RGS7: variants seen among roughly 807,000 people sequenced by gnomAD.
RGS7 encodes the protein regulator of G-protein signaling 7.
A neutral mutation model predicts 81.1 loss-of-function variants in RGS7; 27 were observed. The ratio of observed to expected loss-of-function variants is 0.33; its 90% CI spans 0.25 to 0.46. The LOEUF (loss-of-function observed/expected upper bound fraction) is 0.46, where lower values mean the gene tolerates loss of function less well. Ranked by LOEUF, RGS7 falls within the 20% of genes least tolerant of loss-of-function variation. RGS7 has a pLI of 1.00. For missense variants in RGS7, 396 were observed against 607.4 expected (o/e 0.65, Z 3.66); for synonymous variants, 208 against 207.7 (o/e 1.00, Z -0.01).
At position 240,800,666 on chromosome 1, in the gene RGS7, G is replaced by A. The variant is rs980366085; in HGVS notation, c.1469C>T (p.Ala490Val). The A allele has an allele frequency of 8.4e-6, 13 of 1,546,806 alleles. No homozygotes were observed. The highest frequency in any genetic ancestry group is 2.7e-5 in the African/African-American group (2 of 72,840). ...CTCTTTTCATAACAGGTTAGTGCTG[G>A]CCCTCAGTGTTGGTGTACAGTTTTT... is the stretch of plus-strand genomic sequence containing the variant. Reference protein sequence around the residue: ...CHKNCTPTLRASTNLL With the variant: ...CHKNCTPTLRVSTNLL Residue 490 changes from alanine to valine, a missense_variant, in exon 18 of 19, where the codon GCC (alanine) becomes GTC (valine). Transcript: ENST00000440928.
At chr1:240,848,485 C>T (rs1659501447) in intron 9 of RGS7, among the ~76,000 whole-genome samples, 1 of 151,658 alleles carries the variant, frequency 6.6e-6, no homozygotes, top group African/African-American at 2.4e-5. Context: ...AATAATAAGA[C>T]CAAAAAATAA....
chr1:241,228,142 G>A (rs1198139840), intron 2 of RGS7, among the ~76,000 whole-genome samples: 1 of 152,206 alleles, frequency 6.6e-6, no homozygotes, highest in Non-Finnish European at 1.5e-5. Flanking sequence ...TGACTAGCCT[G>A]ACGCTGCTAT....
intron 2 of RGS7, among the ~76,000 whole-genome samples, chr1:241,241,841 T>C (rs2076274064): frequency 6.6e-6 from 1 of 152,240 alleles, no homozygotes; most frequent in Admixed American, 6.5e-5. Context: ...GAATCTAACC[T>C]ATTTTGTTTT....
intron 2 of RGS7, among the ~76,000 whole-genome samples, chr1:241,311,650 A>G (rs543688916): frequency 6.6e-6 from 1 of 152,204 alleles, no homozygotes; most frequent in Non-Finnish European, 1.5e-5. Flanking sequence ...ATAGGGCTCA[A>G]TTCAGCTGGG....
intron 3 of RGS7, among the ~76,000 whole-genome samples, chr1:240,985,425 C>T (rs189291164): frequency 4.0e-4 from 61 of 150,688 alleles, no homozygotes; most frequent in African/African-American, 6.7e-4. Flanking sequence ...TGTTCTGTTA[C>T]GCTTTCTTTC....
At chr1:241,051,283 T>C (rs2061235776) in intron 3 of RGS7, among the ~76,000 whole-genome samples, 1 of 152,156 alleles carries the variant, frequency 6.6e-6, no homozygotes, top group Non-Finnish European at 1.5e-5. Flanking sequence ...ATTCACAGGT[T>C]CTGGAGATAA....
chr1:240,915,581 A>G (rs956571277), intron 6 of RGS7, among the ~76,000 whole-genome samples: 3 of 152,216 alleles, frequency 2.0e-5, no homozygotes, highest in African/African-American at 7.2e-5. Context: ...GCCTCTAGCT[A>G]CAGCAAACAG....
intron 2 of RGS7, among the ~76,000 whole-genome samples, chr1:241,214,619 A>T (rs1053427330): frequency 2.6e-5 from 4 of 152,042 alleles, no homozygotes; most frequent in African/African-American, 9.7e-5. Context: ...TCTCTTCATC[A>T]AGGACTACAG....
intron 2 of RGS7, among the ~76,000 whole-genome samples, chr1:241,120,886 G>A (rs1441122306): frequency 3.3e-5 from 5 of 152,158 alleles, no homozygotes; most frequent in African/African-American, 9.7e-5. Flanking sequence ...AGGTGCACGA[G>A]TGAGGTGCAT....
intron 14 of RGS7, among the ~76,000 whole-genome samples, chr1:240,807,643 C>T (rs778361384): frequency 2.0e-5 from 3 of 152,094 alleles, no homozygotes; most frequent in Non-Finnish European, 2.9e-5. Context: ...AGTTTGACAA[C>T]GCCTCAAACA....
At chr1:240,997,831 A>C (rs1687527755) in intron 3 of RGS7, among the ~76,000 whole-genome samples, 1 of 152,206 alleles carries the variant, frequency 6.6e-6, no homozygotes, top group African/African-American at 2.4e-5. Context: ...CTCAGGAAAA[A>C]ACAAAATTTT....
chr1:240,834,232 T>C (rs1694309543), intron 9 of RGS7, among the ~76,000 whole-genome samples: 1 of 152,220 alleles, frequency 6.6e-6, no homozygotes, highest in African/African-American at 2.4e-5. Context: ...GAAAGTTGTT[T>C]GAGGAAATTG....
chr1:241,147,789 T>TATAC, intron 2 of RGS7, among the ~76,000 whole-genome samples: 1 of 110,010 alleles, frequency 9.1e-6, no homozygotes, highest in East Asian at 2.6e-4. Context: ...TTTATATATA[T>TATAC]ATATATATAT....
intron 2 of RGS7, among the ~76,000 whole-genome samples, chr1:241,192,184 G>C (rs2072720677): frequency 6.7e-6 from 1 of 150,284 alleles, no homozygotes; most frequent in Non-Finnish European, 1.5e-5. Flanking sequence ...GTGTGTGTGT[G>C]TGTGTGTGTG....
intron 6 of RGS7, among the ~76,000 whole-genome samples, chr1:240,913,975 A>C (rs1199403667): frequency 6.6e-6 from 1 of 151,666 alleles, no homozygotes; most frequent in African/African-American, 2.4e-5. Context: ...GGTTAGTTAC[A>C]TATGTATACA....
intron 14 of RGS7, among the ~76,000 whole-genome samples, chr1:240,811,241 T>C (rs1406661600): frequency 1.3e-5 from 2 of 152,228 alleles, no homozygotes; most frequent in Non-Finnish European, 2.9e-5. Flanking sequence ...AAGTTATCAC[T>C]CCCTTCAATG....
At chr1:241,076,247 C>G (rs2062793140) in intron 3 of RGS7, among the ~76,000 whole-genome samples, 1 of 152,098 alleles carries the variant, frequency 6.6e-6, no homozygotes, top group Non-Finnish European at 1.5e-5. Flanking sequence ...CTCCCCATCT[C>G]TCTCTCTCTT....
intron 2 of RGS7, among the ~76,000 whole-genome samples, chr1:241,102,112 T>A (rs899527609): frequency 6.6e-6 from 1 of 152,234 alleles, no homozygotes; most frequent in Non-Finnish European, 1.5e-5. Flanking sequence ...AACGTGATCA[T>A]GTACATGCAT....
chr1:241,136,497 C>G (rs2067526139), intron 2 of RGS7, among the ~76,000 whole-genome samples: 1 of 152,104 alleles, frequency 6.6e-6, no homozygotes, highest in African/African-American at 2.4e-5. Context: ...GGAGCACTCT[C>G]CTGCCTTGTG....
Sources: allele counts gnomAD v4.1 joint callset (sites outside exome capture counted in the v4.1 genomes callset), GRCh38; gene constraint gnomAD v4.1.1; transcripts MANE v1.5; gene names NCBI Gene and HGNC (gene_info 2026-07-23, HGNC 2026-07-21).